Variants in SMG6 observed in about 807,000 individuals in gnomAD.
The protein encoded by SMG6 is SMG6 nonsense mediated mRNA decay factor.
SMG6 carries 66 observed loss-of-function variants against 142.2 expected under a neutral mutation model. The observed-to-expected ratio is 0.46, with a 90% CI of 0.38 to 0.57. SMG6 has a LOEUF of 0.57. Among genes scored for constraint, SMG6 ranks in the 20% least tolerant of loss-of-function variants. The pLI, the probability that SMG6 is intolerant of heterozygous loss-of-function variation, is 0.00. For missense variants in SMG6, 1,793 were observed against 1,832.0 expected (o/e 0.98, Z 0.39); for synonymous variants, 779 against 702.4 (o/e 1.11, Z -1.72).
chr17:2,297,049 T>C (rs796245042), intron 4 of SMG6, among the ~76,000 whole-genome samples, 194 bp downstream of exon 4: 12 of 149,470 alleles, frequency 8.0e-5, no homozygotes, highest in African/African-American at 2.9e-4. Context: ...GAAAAAAGGC[T>C]GGGGAGCACT....
intron 8 of SMG6, among the ~76,000 whole-genome samples, chr17:2,280,911 C>A (rs914280253): frequency 6.6e-6 from 1 of 152,082 alleles, no homozygotes; most frequent in African/African-American, 2.4e-5. Flanking sequence ...AAGTCTCCAT[C>A]GCTACAAAAA....
At chr17:2,237,537 C>T (rs1011164918) in intron 9 of SMG6, 11 of 985,328 alleles carry the variant, frequency 1.1e-5, no homozygotes, top group East Asian at 1.1e-4. Flanking sequence ...CGTGTGTTGC[C>T]GTCCTCCTCC....
At chr17:2,292,805 G>T in intron 5 of SMG6, 66 bp downstream of exon 5, 1 of 1,485,886 alleles carries the variant, frequency 6.7e-7, no homozygotes, top group Admixed American at 1.7e-5. Flanking sequence ...ATGGCCTACT[G>T]CTCTTAGTAA....
intron 6 of SMG6, among the ~76,000 whole-genome samples, chr17:2,284,796 T>C (rs777481573): frequency 2.0e-5 from 3 of 152,216 alleles, no homozygotes; most frequent in Non-Finnish European, 2.9e-5. Context: ...TTACAACATA[T>C]GGCTCCCAAA....
intron 12 of SMG6, 73 bp from the exon 13 acceptor site, chr17:2,172,932 G>A: frequency 7.2e-7 from 1 of 1,386,470 alleles, no homozygotes; most frequent in African/African-American, 1.4e-5. Context: ...CAGTATTTGT[G>A]AGCAGGGAAG....
intron 6 of SMG6, among the ~76,000 whole-genome samples, chr17:2,287,946 A>T (rs192282628): frequency 3.9e-5 from 6 of 152,318 alleles, no homozygotes; most frequent in Non-Finnish European, 8.8e-5. Context: ...CAGTTTTGTA[A>T]AATGAAAAGC....
intron 16 of SMG6, among the ~76,000 whole-genome samples, chr17:2,067,770 C>T (rs891760956): frequency 7.9e-5 from 12 of 152,314 alleles, no homozygotes; most frequent in Admixed American, 7.8e-4. Context: ...CAGGGTTCTG[C>T]AGCCTCTGCA....
chr17:2,088,181 C>T (rs1597366229), intron 13 of SMG6: 7 of 985,392 alleles, frequency 7.1e-6, no homozygotes, highest in East Asian at 1.1e-4. Context: ...CACAGACAGG[C>T]GGGCAGGAGT....
At chr17:2,295,151 T>C (rs2075118947) in intron 4 of SMG6, among the ~76,000 whole-genome samples, 1 of 152,096 alleles carries the variant, frequency 6.6e-6, no homozygotes, top group East Asian at 1.9e-4. Context: ...GGGCTGGGAT[T>C]AAAGAGTGAG....
At chr17:2,173,844 GCTTT>G (rs1000671874) in intron 12 of SMG6, among the ~76,000 whole-genome samples, 1 of 120,060 alleles carries the variant, frequency 8.3e-6, no homozygotes, top group African/African-American at 3.1e-5. Flanking sequence ...GATCCATAAA[GCTTT>G]TTTTTTTTTT....
intron 12 of SMG6, among the ~76,000 whole-genome samples, chr17:2,175,102 C>T (rs2071617940): frequency 6.6e-6 from 1 of 152,224 alleles, no homozygotes; most frequent in Non-Finnish European, 1.5e-5. Flanking sequence ...CAGTTCCCCG[C>T]TTCCTCCCCC....
chr17:2,288,174 C>T (rs757912516), intron 6 of SMG6, among the ~76,000 whole-genome samples: 1 of 151,798 alleles, frequency 6.6e-6, no homozygotes, highest in South Asian at 2.1e-4. Context: ...ATTAGCCAGG[C>T]GTGGTGGTAT....
intron 15 of SMG6, among the ~76,000 whole-genome samples, chr17:2,078,663 C>T (rs151019025): frequency 0.022 from 3,328 of 152,196 alleles, 63 homozygotes; most frequent in South Asian, 0.068. Flanking sequence ...TAAGCCACTG[C>T]GCCCAGCCAC....
intron 13 of SMG6, among the ~76,000 whole-genome samples, chr17:2,129,278 G>A (rs902314900): frequency 2.0e-5 from 3 of 152,212 alleles, no homozygotes; most frequent in East Asian, 1.9e-4. Context: ...AGCCATAATC[G>A]CACCACTGTA....
intron 10 of SMG6, chr17:2,216,101 G>A (rs1243971446): frequency 6.6e-6 from 1 of 152,030 alleles, no homozygotes; most frequent in African/African-American, 2.4e-5. Flanking sequence ...AAGAAACAGC[G>A]CACACATAGA....
intron 13 of SMG6, among the ~76,000 whole-genome samples, chr17:2,136,925 G>A (rs764243268): frequency 1.1e-3 from 171 of 152,212 alleles, no homozygotes; most frequent in Non-Finnish European, 1.5e-3. Flanking sequence ...TTGGGAGGCC[G>A]AGGCAGGAGA....
chr17:2,277,746 G>A (rs950991379), intron 8 of SMG6, among the ~76,000 whole-genome samples: 4 of 151,976 alleles, frequency 2.6e-5, no homozygotes, highest in Admixed American at 2.0e-4. Context: ...CCTCCTTTTT[G>A]TTAAAAAATG....
At chr17:2,291,234 G>A (rs1280038478) in intron 6 of SMG6, among the ~76,000 whole-genome samples, 2 of 152,136 alleles carry the variant, frequency 1.3e-5, no homozygotes, top group African/African-American at 2.4e-5. Context: ...GGGAGGCTGA[G>A]GCAGGAGAAT....
chr17:2,137,063 C>T (rs887726208), intron 13 of SMG6, among the ~76,000 whole-genome samples: 2 of 152,146 alleles, frequency 1.3e-5, no homozygotes, highest in Admixed American at 1.3e-4. Flanking sequence ...ACCTTGGAGG[C>T]TGAGGTAGGA....
Sources: allele counts gnomAD v4.1 joint callset (sites outside exome capture counted in the v4.1 genomes callset), GRCh38; gene constraint gnomAD v4.1.1; transcripts MANE v1.5; gene names NCBI Gene and HGNC (gene_info 2026-07-23, HGNC 2026-07-21).